IGSF11: variants seen among roughly 807,000 people sequenced by gnomAD.
IGSF11 encodes the protein immunoglobulin superfamily member 11.
In IGSF11, 22 loss-of-function variants were observed where a neutral mutation model predicts 41.0. That is an observed-to-expected ratio of 0.54 (90% CI 0.38 to 0.77). The LOEUF (loss-of-function observed/expected upper bound fraction) is 0.77. Among genes scored for constraint, IGSF11 ranks in the 30% least tolerant of loss-of-function variants. The pLI, the probability that IGSF11 is intolerant of heterozygous loss-of-function variation, is 0.00. For synonymous variants in IGSF11, 219 were observed against 201.3 expected, an observed-to-expected ratio of 1.09 and a Z score of -0.74; for missense variants, 444 against 530.8, an observed-to-expected ratio of 0.84 and a Z score of 1.61.
intron 1 of IGSF11, among the ~76,000 whole-genome samples, chr3:119,073,790 A>C (rs1024125883): frequency 1.3e-5 from 2 of 151,458 alleles, no homozygotes; most frequent in African/African-American, 2.4e-5. Context: ...CTCCCTCCAC[A>C]CCTCCCACAA....
chr3:119,009,170 A>C (rs1937787196), intron 1 of IGSF11, among the ~76,000 whole-genome samples: 1 of 151,964 alleles, frequency 6.6e-6, no homozygotes, highest in Non-Finnish European at 1.5e-5. Flanking sequence ...ACCCTTTCAG[A>C]CTAAATTTTA....
intron 1 of IGSF11, among the ~76,000 whole-genome samples, chr3:118,933,470 T>TTATATATATATA (rs1553754813): frequency 0.032 from 4,727 of 145,940 alleles, 160 homozygotes; most frequent in Admixed American, 0.11. Context: ...CATGTATTTT[T>TTATATATATATA]TATATATATA....
chr3:118,905,294 T>TA (rs1360811971), intron 5 of IGSF11, among the ~76,000 whole-genome samples: 2 of 152,164 alleles, frequency 1.3e-5, no homozygotes. Flanking sequence ...AAGAAAGTCT[T>TA]ACTATACTCA....
chr3:119,056,391 C>T (rs1380553506), intron 1 of IGSF11, among the ~76,000 whole-genome samples: 1 of 152,028 alleles, frequency 6.6e-6, no homozygotes, highest in Non-Finnish European at 1.5e-5. Context: ...ATAAATTCCT[C>T]GACACATACA....
At chr3:118,998,998 T>C (rs905081070) in intron 1 of IGSF11, among the ~76,000 whole-genome samples, 3 of 152,006 alleles carry the variant, frequency 2.0e-5, no homozygotes, top group Admixed American at 6.6e-5. Context: ...TTTTTAATAA[T>C]AAGGAAATGG....
At chr3:118,959,760 A>G (rs945437152) in intron 1 of IGSF11, among the ~76,000 whole-genome samples, 1 of 152,226 alleles carries the variant, frequency 6.6e-6, no homozygotes, top group African/African-American at 2.4e-5. Flanking sequence ...AAGAAACAAC[A>G]AATGTGGGCC....
Position 119,033,880 on chromosome 3 carries a change from A to T in IGSF11, c.52+651T>A, listed in dbSNP as rs149379334. On this transcript the variant is annotated intron_variant, in intron 1 of 6. Transcript: ENST00000393775. ...GATTAAAAGCTAAATTTATAAACAGATGTTTTAAAAACCGTTAACAAGAAA... is the reference window on the plus strand; with the variant it reads ...GATTAAAAGCTAAATTTATAAACAGTTGTTTTAAAAACCGTTAACAAGAAA... 4.6e-5 allele frequency among the ~76,000 whole-genome samples: 7 copies of T among 152,344 alleles called. No individual in the cohort carries two copies. The East Asian group carries it at 1.3e-3, about 29-fold the overall frequency.
intron 1 of IGSF11, among the ~76,000 whole-genome samples, chr3:119,048,876 A>C (rs1941489107): frequency 6.6e-6 from 1 of 152,244 alleles, no homozygotes; most frequent in Non-Finnish European, 1.5e-5. Context: ...CCAGCATATA[A>C]ACAGAACCAA....
intron 1 of IGSF11, among the ~76,000 whole-genome samples, chr3:119,060,017 CAGG>C (rs1009704961): frequency 2.6e-5 from 4 of 152,164 alleles, no homozygotes; most frequent in African/African-American, 9.7e-5. Flanking sequence ...GTGGTGGTGC[CAGG>C]AGCTGTCCAG....
chr3:119,113,447 T>C (rs1289852790), intron 1 of IGSF11, among the ~76,000 whole-genome samples: 2 of 152,212 alleles, frequency 1.3e-5, no homozygotes, highest in African/African-American at 4.8e-5. Context: ...ACAGGTCCCA[T>C]GGAAGTCCAA....
At chr3:119,140,757 T>C (rs2107549180) in intron 1 of IGSF11, among the ~76,000 whole-genome samples, 1 of 152,180 alleles carries the variant, frequency 6.6e-6, no homozygotes, top group East Asian at 1.9e-4. Flanking sequence ...ATTAAAATCA[T>C]ACAAGGCCAG....
chr3:118,967,897 T>G (rs996426867), intron 1 of IGSF11, among the ~76,000 whole-genome samples: 1 of 152,076 alleles, frequency 6.6e-6, no homozygotes, highest in African/African-American at 2.4e-5. Flanking sequence ...GTGCATGTTC[T>G]TCTTTATTCT....
At chr3:118,968,092 T>G (rs540417273) in intron 1 of IGSF11, among the ~76,000 whole-genome samples, 109 of 152,346 alleles carry the variant, frequency 7.2e-4, no homozygotes, top group Non-Finnish European at 1.2e-3. Flanking sequence ...ATCTGAGATT[T>G]TTAAAAACAT....
intron 1 of IGSF11, chr3:119,105,140 T>C (rs1297513048): frequency 5.6e-6 from 9 of 1,593,840 alleles, no homozygotes; most frequent in Non-Finnish European, 7.7e-6. Context: ...GTCAAGTCAC[T>C]AACCAGTTCT....
intron 1 of IGSF11, among the ~76,000 whole-genome samples, chr3:119,007,379 G>A (rs951290206): frequency 6.9e-5 from 10 of 145,772 alleles, no homozygotes; most frequent in African/African-American, 2.7e-4. Flanking sequence ...TCCCTAGTGA[G>A]ATGAACCCGG....
intron 1 of IGSF11, among the ~76,000 whole-genome samples, chr3:119,061,506 G>A (rs1176213867): frequency 6.6e-6 from 1 of 152,112 alleles, no homozygotes; most frequent in Non-Finnish European, 1.5e-5. Context: ...CCTCCAAGTG[G>A]CAGTTTGTAG....
At chr3:119,081,873 A>G (rs888217740) in intron 1 of IGSF11, among the ~76,000 whole-genome samples, 5 of 152,220 alleles carry the variant, frequency 3.3e-5, no homozygotes, top group Non-Finnish European at 7.4e-5. Context: ...CCTTTGGTAC[A>G]AGAAACACTT....
chr3:119,058,118 C>A (rs1941920067), intron 1 of IGSF11, among the ~76,000 whole-genome samples: 1 of 152,134 alleles, frequency 6.6e-6, no homozygotes. Context: ...CCAAAATTGA[C>A]AAATGGGATC....
rs1206427302 is a variant in IGSF11 at position 119,069,446 on chromosome 3, T to G, written c.49+35698A>C. Among the ~76,000 whole-genome samples the G allele has an allele frequency of 2.6e-5, 4 of 152,318 alleles. No individual in the cohort carries two copies. In the East Asian group the frequency reaches 7.7e-4, roughly 29 times the overall value. On this transcript the variant is annotated intron_variant, in intron 1 of 6. Transcript: ENST00000354673. ...GGTGAAGGAAATACTACATGACCATTGTAGTCTTTGAGATTTTATGAATAA... is the reference window on the plus strand; with the variant it reads ...GGTGAAGGAAATACTACATGACCATGGTAGTCTTTGAGATTTTATGAATAA...
Sources: gnomAD v4.1 joint callset for allele counts (sites outside exome capture counted in the v4.1 genomes callset) on GRCh38, gnomAD v4.1.1 for gene constraint, MANE v1.5 for transcripts, NCBI Gene and HGNC (gene_info 2026-07-23, HGNC 2026-07-21) for gene names.